ACIN1: variants seen among roughly 807,000 people sequenced by gnomAD.
ACIN1 encodes the protein apoptotic chromatin condensation inducer in the nucleus.
ACIN1 carries 16 observed loss-of-function variants against 146.6 expected under a neutral mutation model. The observed-to-expected ratio is 0.11, with a 90% confidence interval of 0.07 to 0.17. The LOEUF is 0.17. Ranked by LOEUF, ACIN1 falls within the 10% of genes least tolerant of loss-of-function variation. The pLI, the probability that ACIN1 is intolerant of heterozygous loss-of-function variation, is 1.00. For missense variants in ACIN1, 1,357 were observed against 1,609.3 expected, an observed-to-expected ratio of 0.84 and a Z score of 2.68; for synonymous variants, 569 against 582.7, an observed-to-expected ratio of 0.98 and a Z score of 0.34.
upstream of ACIN1, chr14:23,095,493 G>T: frequency 1.5e-6 from 1 of 658,546 alleles, no homozygotes; most frequent in Non-Finnish European, 2.4e-6. Context: ...GCGGGTCCGA[G>T]GCCGGAAGTG....
chr14:23,081,176 TA>T (rs1169183882), intron 5 of ACIN1, among the ~76,000 whole-genome samples: 3 of 152,124 alleles, frequency 2.0e-5, no homozygotes, highest in African/African-American at 7.2e-5. Context: ...CATTTTGGTA[TA>T]TTTCTTTTTG....
rs2047947538 is a variant in ACIN1 at position 23,081,685 on chromosome 14, G to A, written c.525+63C>T. ...AGACATACAAACTCAAAACAAGTCTGAAGAAGAGAAGATATCCAAAGCATT... is the reference window on the plus strand; with the variant it reads ...AGACATACAAACTCAAAACAAGTCTAAAGAAGAGAAGATATCCAAAGCATT... On this transcript the variant is annotated intron_variant, in intron 5 of 18. Transcript: ENST00000605057. 4 of 1,393,726 alleles carry A rather than the reference G, an allele frequency of 2.9e-6. No homozygotes were observed. The Admixed American group carries it at 6.4e-5, about 22-fold the overall frequency. 86.3% of individuals were successfully genotyped at this position (1,393,726 alleles called of 1,614,324 possible).
Position 23,078,137 on chromosome 14 carries a change from G to A in ACIN1, c.2123+14C>T, listed in dbSNP as rs1374170230. On this transcript the variant is annotated intron_variant, in intron 8 of 18. Coordinates refer to ENST00000605057, the MANE Select transcript of ACIN1 (RefSeq NM_001386863.1). ...TAGTTCCCTGTTATACCCCGGTCGA[G>A]ATATATCACTTACACAGTGTGATGA... 1.2e-6 allele frequency: 2 copies of A among 1,612,240 alleles called. No individual in the cohort carries two copies. Among genetic ancestry groups the A allele is most frequent in the African/African-American group, 1.3e-5 (1 of 74,898 alleles).
At chr14:23,071,395 T>C (rs1431385975) in intron 8 of ACIN1, 1 of 1,550,622 alleles carries the variant, frequency 6.4e-7, no homozygotes, top group Non-Finnish European at 8.7e-7. Context: ...AAAACAGATC[T>C]GGCTTTTAAG....
intron 8 of ACIN1, among the ~76,000 whole-genome samples, chr14:23,073,367 A>G (rs2047713579): frequency 6.6e-6 from 1 of 152,182 alleles, no homozygotes; most frequent in Non-Finnish European, 1.5e-5. Flanking sequence ...TTGCTAACCT[A>G]AAAGTTTTCT....
At chr14:23,074,611 A>G (rs1177140886) in intron 8 of ACIN1, among the ~76,000 whole-genome samples, 1 of 152,088 alleles carries the variant, frequency 6.6e-6, no homozygotes, top group Non-Finnish European at 1.5e-5. Context: ...TGTCCCCAAA[A>G]TGGACTCTAT....
Position 23,081,842 on chromosome 14 carries a change from G to C in ACIN1, c.437-6C>G, listed in dbSNP as rs775229805. On this transcript the variant is annotated splice_polypyrimidine_tract_variant and splice_region_variant and intron_variant, in intron 4 of 18. Coordinates refer to ENST00000605057, the MANE Select transcript of ACIN1 (RefSeq NM_001386863.1). ...AGAAATTGAGGAGCTTTTTCCTATTGAATGAAAAAGAATCAAGTCAGATTC... is the reference window on the plus strand; with the variant it reads ...AGAAATTGAGGAGCTTTTTCCTATTCAATGAAAAAGAATCAAGTCAGATTC... The C allele has an allele frequency of 6.3e-7, 1 of 1,598,096 alleles. No individual in the cohort carries two copies. The highest frequency in any genetic ancestry group is 1.1e-5 in the South Asian group (1 of 89,056).
intron 4 of ACIN1, among the ~76,000 whole-genome samples, chr14:23,087,372 G>A (rs1231135130): frequency 1.3e-5 from 2 of 151,820 alleles, no homozygotes; most frequent in Non-Finnish European, 2.9e-5. Flanking sequence ...GGACACTGAA[G>A]AGCATTTACG....
intron 1 of ACIN1, 70 bp downstream of exon 1, chr14:23,094,890 CCGGATACTGCGCCTG>C: frequency 6.7e-7 from 1 of 1,495,440 alleles, no homozygotes; most frequent in South Asian, 1.3e-5. Context: ...CGCGCCGAGC[CCGGATACTGCGCCTG>C]CGCCGCGGCA....
chr14:23,069,652 G>GGGGCCGCC, intron 8 of ACIN1, 35 bp from the exon 9 acceptor site: 2 of 577,966 alleles, frequency 3.5e-6, no homozygotes, highest in Non-Finnish European at 3.3e-6. Flanking sequence ...GGGGGGGCGG[G>GGGGCCGCC]CAGAAAAGAA....
Position 23,067,511 on chromosome 14 carries a change from G to GGGGGGGTGGC in ACIN1, c.2266-1504_2266-1503insGCCACCCCCC. The GGGGGGGTGGC allele has an allele frequency of 4.5e-6, 1 of 221,752 alleles. No homozygotes were observed. Among genetic ancestry groups the GGGGGGGTGGC allele is most frequent in the Non-Finnish European group, 7.3e-6 (1 of 137,284 alleles). The allele number at this position is 221,752 out of a possible 1,614,324, so 13.7% of individuals were successfully genotyped here. On this transcript the variant is annotated intron_variant, in intron 9 of 18. Coordinates refer to ENST00000605057, the MANE Select transcript of ACIN1 (RefSeq NM_001386863.1). The surrounding 1 kb of genome is among the most constrained non-coding windows in gnomAD (Gnocchi z 4.6). ...CCAGGGGCGCAGGGGGGGCGGGAGGGAAACGTGTGGGGGGACGCTGCCCAG... is the reference window on the plus strand; with the variant it reads ...CCAGGGGCGCAGGGGGGGCGGGAGGGGGGGGGTGGCAAACGTGTGGGGGGACGCTGCCCAG...
chr14:23,071,527 G>T (rs538181171), intron 8 of ACIN1: 3 of 1,551,404 alleles, frequency 1.9e-6, no homozygotes, highest in African/African-American at 1.4e-5. Flanking sequence ...GAGCGGCAGC[G>T]ATCAGCCGGA....
intron 2 of ACIN1, 63 bp from the exon 3 acceptor site, chr14:23,090,696 C>T: frequency 4.6e-6 from 6 of 1,316,872 alleles, no homozygotes; most frequent in Middle Eastern, 2.5e-4. Flanking sequence ...CAAAGAAGAA[C>T]ATTCCATGGA....
intron 5 of ACIN1, 109 bp from the exon 6 acceptor site, chr14:23,080,918 A>G: frequency 2.7e-6 from 4 of 1,486,550 alleles, no homozygotes; most frequent in Non-Finnish European, 3.6e-6. Context: ...AATGATATAT[A>G]CTTTCAGCAA....
upstream of ACIN1, chr14:23,095,204 C>T: frequency 6.2e-7 from 1 of 1,614,250 alleles, no homozygotes; most frequent in African/African-American, 1.3e-5. Context: ...ATGACCCCGC[C>T]CACTGCCATA....
At chr14:23,088,029 CA>C (rs2048131727) in intron 4 of ACIN1, among the ~76,000 whole-genome samples, 1 of 152,204 alleles carries the variant, frequency 6.6e-6, no homozygotes, top group Non-Finnish European at 1.5e-5. Flanking sequence ...ATGTCTGTAT[CA>C]TTGTCACATA....
rs2047501046 is a variant in ACIN1, at chr14:23,067,633, ACAT to A, written c.2266-1628_2266-1626del. 1.0e-6 allele frequency: 1 copy of A among 985,820 alleles called. No individual in the cohort carries two copies. The highest frequency in any genetic ancestry group is 1.7e-5 in the African/African-American group (1 of 57,228). 61.1% of individuals were successfully genotyped at this position (985,820 alleles called of 1,614,324 possible). A position where few individuals can be genotyped will look rare whatever the true frequency, so the allele number is the denominator to read the frequency against. On this transcript the variant is annotated intron_variant, in intron 9 of 18. Transcript: ENST00000605057. This position sits in a 1 kb window ranked among gnomAD's most constrained non-coding sequence, Gnocchi z 4.6. Reference sequence around the variant, plus strand: ...AGACATCAGTCCTGGCCCTGAAGGGACATCATCTTGCAGTCCCTGATGAGATGG... The same window carrying A: ...AGACATCAGTCCTGGCCCTGAAGGGACATCTTGCAGTCCCTGATGAGATGG...
chr14:23,071,097 G>A (rs1314593705), intron 8 of ACIN1: 3 of 1,548,176 alleles, frequency 1.9e-6, no homozygotes, highest in Admixed American at 2.0e-5. Context: ...GCGGGGAAAA[G>A]GCATACATGG....
chr14:23,091,660 G>A (rs560342544), intron 2 of ACIN1, among the ~76,000 whole-genome samples: 12 of 138,912 alleles, frequency 8.6e-5, no homozygotes, highest in African/African-American at 3.0e-4. Flanking sequence ...GACTATCACT[G>A]TCATCCAGGC....
Sources: gnomAD v4.1 joint callset for allele counts (sites outside exome capture counted in the v4.1 genomes callset) on GRCh38, gnomAD v4.1.1 for gene constraint, Gnocchi (gnomAD v3.1) non-coding constraint, MANE v1.5 for transcripts, NCBI Gene and HGNC (gene_info 2026-07-23, HGNC 2026-07-21) for gene names.